RAB5A: variants seen among roughly 807,000 people sequenced by gnomAD.
RAB5A encodes the protein ras-related protein Rab-5A.
A neutral mutation model predicts 25.7 loss-of-function variants in RAB5A; 8 were observed. That is an observed-to-expected ratio of 0.31 (90% CI 0.18 to 0.56). RAB5A has a LOEUF of 0.56. RAB5A is among the 20% of genes least tolerant of loss of function. The pLI, the probability that RAB5A is intolerant of heterozygous loss-of-function variation, is 0.91. For synonymous variants in RAB5A, 98 were observed against 89.8 expected (o/e 1.09, Z -0.52); for missense variants, 192 against 259.7 (o/e 0.74, Z 1.79).
chr3:19,971,017 T>C (rs1696741553), intron 2 of RAB5A, among the ~76,000 whole-genome samples: 1 of 151,982 alleles, frequency 6.6e-6, no homozygotes. Context: ...GCCAACATGG[T>C]GAAACCCCAT....
intron 4 of RAB5A, among the ~76,000 whole-genome samples, chr3:19,976,389 G>C (rs958384691): frequency 1.3e-5 from 2 of 152,042 alleles, no homozygotes; most frequent in African/African-American, 4.8e-5. Flanking sequence ...AGATTTTGTA[G>C]ACTTAAACAA....
intron 1 of RAB5A, among the ~76,000 whole-genome samples, chr3:19,950,126 T>G (rs911117412): frequency 3.9e-5 from 6 of 152,202 alleles, no homozygotes; most frequent in African/African-American, 1.4e-4. Flanking sequence ...AAGTCAGTAA[T>G]AATCACCACA....
chr3:19,980,953 C>T (rs1438588448), intron 5 of RAB5A, among the ~76,000 whole-genome samples: 1 of 152,118 alleles, frequency 6.6e-6, no homozygotes, highest in East Asian at 1.9e-4. Context: ...ATAAAAGGTT[C>T]ACAATGCAAC....
chr3:19,979,150 T>C (rs181789279), intron 5 of RAB5A, among the ~76,000 whole-genome samples: 1 of 152,232 alleles, frequency 6.6e-6, no homozygotes, highest in East Asian at 1.9e-4. Context: ...CTAATTTTTG[T>C]ATTTATAGTA....
chr3:19,984,415 T>G lies in RAB5A; in HGVS notation c.*592T>G. 6.3e-6 allele frequency: 1 copy of G among 159,106 alleles called. No individual in the cohort carries two copies. Among genetic ancestry groups the G allele is most frequent in the South Asian group, 1.3e-4 (1 of 7,438 alleles). The allele number at this position is 159,106 out of a possible 1,614,324, so 9.9% of individuals were successfully genotyped here. On this transcript the variant is annotated 3_prime_UTR_variant, in exon 6 of 6. Coordinates refer to ENST00000273047, the MANE Select transcript of RAB5A (RefSeq NM_004162.5). Reference sequence around the variant, plus strand: ...GGTATCTTAATTATACCCAGTCTGGTTTTTTTTTTTTAAATGGGGTAAAAA... The same window carrying G: ...GGTATCTTAATTATACCCAGTCTGGGTTTTTTTTTTTAAATGGGGTAAAAA...
chr3:19,974,916 TTGTAG>T (rs146176071), intron 2 of RAB5A, among the ~76,000 whole-genome samples: 77 of 152,234 alleles, frequency 5.1e-4, no homozygotes, highest in African/African-American at 1.9e-3. Context: ...ATTTCTTTAA[TTGTAG>T]AGCAATTTTG....
At chr3:19,974,364 A>G (rs1267215031) in intron 2 of RAB5A, among the ~76,000 whole-genome samples, 2 of 152,082 alleles carry the variant, frequency 1.3e-5, no homozygotes, top group Non-Finnish European at 2.9e-5. Flanking sequence ...CATGTTGGCC[A>G]GGATGGTCTT....
At chr3:19,957,443 G>A (rs1320668359) in intron 2 of RAB5A, among the ~76,000 whole-genome samples, 1 of 150,392 alleles carries the variant, frequency 6.6e-6, no homozygotes, top group Non-Finnish European at 1.5e-5. Flanking sequence ...AAAGTGGTCA[G>A]ATCGCTTGAG....
chr3:19,949,755 G>A (rs549634260), intron 1 of RAB5A, among the ~76,000 whole-genome samples: 1 of 152,250 alleles, frequency 6.6e-6, no homozygotes, highest in Non-Finnish European at 1.5e-5. Flanking sequence ...AAAAAATAAT[G>A]GCCTGCAGGC....
intron 1 of RAB5A, among the ~76,000 whole-genome samples, chr3:19,948,951 A>T (rs1696379355): frequency 6.6e-6 from 1 of 152,214 alleles, no homozygotes; most frequent in Non-Finnish European, 1.5e-5. Flanking sequence ...TCATTTTCTT[A>T]TCAAAGGAGC....
intron 2 of RAB5A, among the ~76,000 whole-genome samples, chr3:19,967,202 T>G (rs998860870): frequency 4.0e-5 from 6 of 151,818 alleles, no homozygotes; most frequent in Non-Finnish European, 8.8e-5. Flanking sequence ...TGGAGTGCCA[T>G]GGCACCATCT....
intron 2 of RAB5A, among the ~76,000 whole-genome samples, chr3:19,972,299 C>G (rs1247287275): frequency 6.6e-6 from 1 of 152,176 alleles, no homozygotes; most frequent in Non-Finnish European, 1.5e-5. Context: ...CCAAAACATT[C>G]CTGGTTCCAA....
chr3:19,983,147 G>A (rs1261250921), intron 5 of RAB5A, among the ~76,000 whole-genome samples: 1 of 151,952 alleles, frequency 6.6e-6, no homozygotes, highest in Non-Finnish European at 1.5e-5. Context: ...GATCAGCCTG[G>A]GCAACATGGT....
chr3:19,954,687 A>G (rs564259231), intron 2 of RAB5A, among the ~76,000 whole-genome samples: 1 of 152,186 alleles, frequency 6.6e-6, no homozygotes, highest in South Asian at 2.1e-4. Flanking sequence ...GCATGGTGGC[A>G]CACACCTGTA....
At chr3:19,971,090 G>A (rs1168020906) in intron 2 of RAB5A, among the ~76,000 whole-genome samples, 1 of 151,384 alleles carries the variant, frequency 6.6e-6, no homozygotes, top group Admixed American at 6.6e-5. Context: ...CCAGCTACTC[G>A]GGAGGCTGAG....
chr3:19,968,429 A>T (rs1396655074), intron 2 of RAB5A, among the ~76,000 whole-genome samples: 2 of 152,072 alleles, frequency 1.3e-5, no homozygotes, highest in Non-Finnish European at 2.9e-5. Flanking sequence ...CAAACTACCC[A>T]GTGTTTTCTT....
intron 1 of RAB5A, among the ~76,000 whole-genome samples, chr3:19,948,664 G>GTT (rs1199420513): frequency 1.3e-5 from 2 of 151,822 alleles, no homozygotes; most frequent in Non-Finnish European, 2.9e-5. Context: ...GTTATTTCCT[G>GTT]TTTGAGATCC....
intron 2 of RAB5A, among the ~76,000 whole-genome samples, chr3:19,957,490 TAA>T (rs57627468): frequency 2.2e-3 from 309 of 138,628 alleles, no homozygotes; most frequent in Admixed American, 2.0e-3. Flanking sequence ...CCATCCTTAC[TAA>T]AAAAAAAAAA....
At chr3:19,979,650 A>G (rs892123435) in intron 5 of RAB5A, among the ~76,000 whole-genome samples, 2 of 152,118 alleles carry the variant, frequency 1.3e-5, no homozygotes, top group African/African-American at 4.8e-5. Context: ...GAGTAGTAAT[A>G]AGCCTCCTTT....
Sources: allele counts gnomAD v4.1 joint callset (sites outside exome capture counted in the v4.1 genomes callset), GRCh38; gene constraint gnomAD v4.1.1; transcripts MANE v1.5; gene names NCBI Gene and HGNC (gene_info 2026-07-23, HGNC 2026-07-21).